SCAPER: variants seen among roughly 807,000 people sequenced by gnomAD.
SCAPER encodes the protein S-phase cyclin A associated protein in the ER, also known as S phase cyclin A-associated protein in the endoplasmic reticulum.
A neutral mutation model predicts 182.2 loss-of-function variants in SCAPER; 98 were observed. The observed-to-expected ratio is 0.54, with a 90% confidence interval of 0.46 to 0.64. The LOEUF is 0.64. Ranked by LOEUF, SCAPER falls within the 30% of genes least tolerant of loss-of-function variation. The pLI is 0.00. For synonymous variants in SCAPER, 605 were observed against 564.6 expected, an observed-to-expected ratio of 1.07 and a Z score of -1.01; for missense variants, 1,432 against 1,690.0, an observed-to-expected ratio of 0.85 and a Z score of 2.68.
chr15:76,553,644 G>A (rs891698471), intron 23 of SCAPER, among the ~76,000 whole-genome samples: 2 of 151,028 alleles, frequency 1.3e-5, no homozygotes, highest in Non-Finnish European at 2.9e-5. Flanking sequence ...TAAACTCAAG[G>A]GGATGGAGAA....
intron 3 of SCAPER, 96 bp from the exon 4 acceptor site, chr15:76,857,975 C>T (rs1021310247): frequency 3.2e-5 from 27 of 838,336 alleles, no homozygotes; most frequent in Middle Eastern, 3.5e-4. Context: ...ACCTAAACTA[C>T]GCAAATCATT....
rs149318536 is a variant in SCAPER, at chr15:76,768,483, T to C, written c.1249-1395A>G. Among the ~76,000 whole-genome samples, 520 of 152,194 alleles carry C rather than the reference T, an allele frequency of 3.4e-3. 9 individuals are homozygous for C. Among genetic ancestry groups the C allele is most frequent in the African/African-American group, 0.012 (492 of 41,534 alleles). Reference sequence around the variant, plus strand: ...TTTCATTTCTATGAAATGTCTAAAATAGGCAAAATTATATAGAGAGAAAGC... The same window carrying C: ...TTTCATTTCTATGAAATGTCTAAAACAGGCAAAATTATATAGAGAGAAAGC... On this transcript the variant is annotated intron_variant, in intron 10 of 31. Transcript: ENST00000563290.
At chr15:76,725,016 G>A (rs926102657) in intron 17 of SCAPER, among the ~76,000 whole-genome samples, 7 of 151,934 alleles carry the variant, frequency 4.6e-5, no homozygotes, top group East Asian at 1.9e-4. Flanking sequence ...CATCTTCTGC[G>A]TTGCTCACAC....
chr15:76,401,685 T>A (rs921498700), intron 27 of SCAPER, among the ~76,000 whole-genome samples: 2 of 152,202 alleles, frequency 1.3e-5, no homozygotes, highest in African/African-American at 4.8e-5. Flanking sequence ...ATTGCACAGC[T>A]ACATCAAACT....
At chr15:76,806,745 A>G (rs1160833569) in intron 5 of SCAPER, among the ~76,000 whole-genome samples, 5 of 152,122 alleles carry the variant, frequency 3.3e-5, no homozygotes, top group Admixed American at 3.3e-4. Flanking sequence ...AGTTTCTTTC[A>G]ATTATATTTT....
intron 1 of SCAPER, among the ~76,000 whole-genome samples, chr15:76,890,737 G>T (rs1454416986): frequency 6.6e-6 from 1 of 152,150 alleles, no homozygotes; most frequent in Admixed American, 6.6e-5. Flanking sequence ...TCTACCAGAG[G>T]TACAAAGAGG....
intron 24 of SCAPER, among the ~76,000 whole-genome samples, chr15:76,497,998 A>AAAAT (rs1166449619): frequency 6.3e-4 from 74 of 117,180 alleles, no homozygotes; most frequent in Admixed American, 3.8e-4. Flanking sequence ...TCAAAAAAAA[A>AAAAT]AAAAAAAAAA....
In SCAPER at chr15:76,765,219, T is replaced by A; in HGVS notation, c.1613+118A>T. 3.0e-6 allele frequency: 3 copies of A among 1,016,614 alleles called. No individual in the cohort carries two copies. In the South Asian group the frequency reaches 5.0e-5, roughly 17 times the overall value. The allele number at this position is 1,016,614 out of a possible 1,614,324, so 63.0% of individuals were successfully genotyped here. A position where few individuals can be genotyped will look rare whatever the true frequency, so the allele number is the denominator to read the frequency against. ...GAAAGCTTTGTTACTTTTCAATGGATCTGAAACTGTCCTGAAGTAATGTGT... is the reference window on the plus strand; with the variant it reads ...GAAAGCTTTGTTACTTTTCAATGGAACTGAAACTGTCCTGAAGTAATGTGT... On this transcript the variant is annotated intron_variant, in intron 13 of 31. Coordinates refer to ENST00000563290, the MANE Select transcript of SCAPER (RefSeq NM_020843.4).
At chr15:76,745,489 C>T (rs974518396) in intron 15 of SCAPER, among the ~76,000 whole-genome samples, 1 of 151,844 alleles carries the variant, frequency 6.6e-6, no homozygotes, top group Non-Finnish European at 1.5e-5. Context: ...ACAAATTTGC[C>T]TATGGAGTAC....
At chr15:76,712,831 A>AT (rs1196628904) in intron 17 of SCAPER, among the ~76,000 whole-genome samples, 7 of 151,840 alleles carry the variant, frequency 4.6e-5, no homozygotes, top group African/African-American at 1.7e-4. Context: ...GCTTAAGGAG[A>AT]TTTTGGGCTG....
chr15:76,405,068 A>T (rs573489020), intron 26 of SCAPER, among the ~76,000 whole-genome samples: 76 of 151,546 alleles, frequency 5.0e-4, no homozygotes, highest in Admixed American at 1.3e-3. Context: ...TAGAAGATAC[A>T]GTACAATGAT....
intron 22 of SCAPER, among the ~76,000 whole-genome samples, chr15:76,578,416 G>A (rs919552019): frequency 3.9e-5 from 6 of 152,334 alleles, no homozygotes; most frequent in Admixed American, 3.9e-4. Flanking sequence ...AGTAATCTGT[G>A]CTTCAGGTCT....
At chr15:76,627,163 G>C (rs1296914891) in intron 21 of SCAPER, among the ~76,000 whole-genome samples, 1 of 151,926 alleles carries the variant, frequency 6.6e-6, no homozygotes, top group Non-Finnish European at 1.5e-5. Context: ...GTCATAATGT[G>C]GGATATATGT....
At chr15:76,545,863 C>A (rs2045235675) in intron 23 of SCAPER, among the ~76,000 whole-genome samples, 3 of 152,206 alleles carry the variant, frequency 2.0e-5, no homozygotes, top group South Asian at 4.2e-4. Context: ...CTATTTAACT[C>A]TACTGCTGAT....
chr15:76,504,948 T>C lies in SCAPER; in HGVS notation c.2865A>G (p.Gln955=), dbSNP rs2041449451. ...KENVADQIAF[Q]AAGGLTALEH... ...CAAGGGCTGTTAATCCACCAGCAGCTTGAAATGCAATCTGATCTGCCACAT... is the reference window on the plus strand; with the variant it reads ...CAAGGGCTGTTAATCCACCAGCAGCCTGAAATGCAATCTGATCTGCCACAT... The change falls in exon 24 of 32, where the codon CAA becomes CAG. Residue 955 remains glutamine, a synonymous_variant. Transcript: ENST00000563290. 1.2e-6 allele frequency: 2 copies of C among 1,612,412 alleles called. No homozygotes were observed. The highest frequency in any genetic ancestry group is 1.3e-5 in the African/African-American group (1 of 74,866).
chr15:76,821,553 A>AG (rs1403429581), intron 5 of SCAPER, among the ~76,000 whole-genome samples: 1 of 151,594 alleles, frequency 6.6e-6, no homozygotes, highest in Admixed American at 6.6e-5. Context: ...GAGCCTGGGA[A>AG]GTTGAGGCTG....
At chr15:76,389,495 C>T (rs1178622696) in intron 27 of SCAPER, among the ~76,000 whole-genome samples, 32 of 84,744 alleles carry the variant, frequency 3.8e-4, no homozygotes, top group African/African-American at 1.2e-3. Flanking sequence ...AGCAAGACTC[C>T]GTCTCAAAAA....
intron 24 of SCAPER, among the ~76,000 whole-genome samples, chr15:76,496,881 A>G (rs1443279932): frequency 6.6e-6 from 1 of 152,176 alleles, no homozygotes; most frequent in African/African-American, 2.4e-5. Flanking sequence ...AATCTTTACT[A>G]TATGTATCTG....
At chr15:76,548,267 T>G (rs77125284) in intron 23 of SCAPER, among the ~76,000 whole-genome samples, 1 of 152,172 alleles carries the variant, frequency 6.6e-6, no homozygotes, top group Non-Finnish European at 1.5e-5. Flanking sequence ...AACATTAGAA[T>G]TGAATAATCA....
Sources: gnomAD v4.1 joint callset for allele counts (sites outside exome capture counted in the v4.1 genomes callset) on GRCh38, gnomAD v4.1.1 for gene constraint, MANE v1.5 for transcripts, NCBI Gene and HGNC (gene_info 2026-07-23, HGNC 2026-07-21) for gene names.